CHRM4: variants seen among roughly 807,000 people sequenced by gnomAD.
CHRM4 encodes cholinergic receptor muscarinic 4, also known as muscarinic acetylcholine receptor M4.
In CHRM4, 5 loss-of-function variants were observed where a neutral mutation model predicts 26.3. That is an observed-to-expected ratio of 0.19 (90% CI 0.10 to 0.40). CHRM4 has a LOEUF of 0.40. CHRM4 is among the 10% of genes least tolerant of loss of function. The pLI, the probability that CHRM4 is intolerant of heterozygous loss-of-function variation, is 1.00. For synonymous variants in CHRM4, 290 were observed against 285.3 expected (o/e 1.02, Z -0.16); for missense variants, 402 against 664.5 (o/e 0.60, Z 4.34).
rs751170879 is a variant in CHRM4 at position 46,386,567 on chromosome 11, CA to C, written c.-11del. The C allele has an allele frequency of 3.1e-6, 5 of 1,606,090 alleles. No individual in the cohort carries two copies. In the Admixed American group the frequency reaches 8.3e-5, roughly 27 times the overall value. Reference sequence around the variant, plus strand: ...GTGTGAAGTTGGCCATGTTGGTTGCCAGGGGTGGGTAGGCCGTGTCTGGGGA... The same window carrying C: ...GTGTGAAGTTGGCCATGTTGGTTGCCGGGGTGGGTAGGCCGTGTCTGGGGA... On this transcript the variant is annotated 5_prime_UTR_variant, in exon 2 of 2. Coordinates refer to ENST00000682254, the MANE Select transcript of CHRM4 (RefSeq NM_000741.5). This position sits in a 1 kb window ranked among gnomAD's most constrained non-coding sequence, Gnocchi z 5.8.
chr11:46,386,121 G>T lies in CHRM4; in HGVS notation c.437C>A (p.Thr146Asn). ...KPLTYPARRT[T>N]KMAGLMIAAA... ...AGCAATCATGAGGCCTGCCATCTTG[G>T]TGGTGCGCCGGGCAGGGTAGGTGAG... The change falls in exon 2 of 2, where the codon ACC (threonine) becomes AAC (asparagine). Residue 146 changes from threonine (T) to asparagine (N), a missense_variant. Physicochemically the swap from Thr to Asn is moderately conservative, Grantham distance 65. Around this residue, in one of 5 missense-constraint regions of CHRM4, gnomAD observed 48 missense variants for 129.1 expected, o/e 0.37. Coordinates refer to ENST00000682254, the MANE Select transcript of CHRM4 (RefSeq NM_000741.5). The surrounding 1 kb of genome is among the most constrained non-coding windows in gnomAD (Gnocchi z 5.8). 6.2e-7 allele frequency: 1 copy of T among 1,613,554 alleles called. No homozygotes were observed. The highest frequency in any genetic ancestry group is 1.7e-5 in the Admixed American group (1 of 59,978).
rs550703455 is a variant in CHRM4 at position 46,384,332 on chromosome 11, G to GC, written c.*785dup. The stretch of plus-strand genomic sequence containing the variant: ...CCAGGGGGTGAGAGGTTTGAAGAGG[G>GC]CAGATGGGAATGCCATCCACCACAG... On this transcript the variant is annotated 3_prime_UTR_variant, in exon 2 of 2. Coordinates refer to ENST00000682254, the MANE Select transcript of CHRM4 (RefSeq NM_000741.5). Among the ~76,000 whole-genome samples the GC allele has an allele frequency of 9.4e-4, 143 of 152,342 alleles. No individual in the cohort carries two copies. Among genetic ancestry groups the GC allele is most frequent in the Admixed American group, 2.3e-3 (35 of 15,306 alleles).
In CHRM4 at chr11:46,386,742, A is replaced by C; in HGVS notation, c.-29-156T>G. The C allele has an allele frequency of 1.4e-6, 1 of 715,890 alleles. No individual in the cohort carries two copies. The highest frequency in any genetic ancestry group is 2.3e-6 in the Non-Finnish European group (1 of 440,920). The allele number at this position is 715,890 out of a possible 1,614,324, so 44.3% of individuals were successfully genotyped here. On this transcript the variant is annotated intron_variant, in intron 1 of 1. Coordinates refer to ENST00000682254, the MANE Select transcript of CHRM4 (RefSeq NM_000741.5). This position sits in a 1 kb window ranked among gnomAD's most constrained non-coding sequence, Gnocchi z 5.8. ...TCCCGCATTTGCCCATTCATTCAAC[A>C]TTAATTGAGCACCTACTATGTGGCA...
rs1490979809 is a variant in CHRM4, at chr11:46,384,553, G to A, written c.*565C>T. Among the ~76,000 whole-genome samples the A allele has an allele frequency of 2.0e-5, 3 of 152,224 alleles. No individual in the cohort carries two copies. ...CAAGGGCAGTGCTGCTGGGGCGGGG[G>A]GGACCTGGCCTCCATCATACCCACC... On this transcript the variant is annotated 3_prime_UTR_variant, in exon 2 of 2. Transcript: ENST00000682254.
rs1391733753 is a variant in CHRM4, at chr11:46,384,929, G to A, written c.*189C>T. 1.9e-6 allele frequency: 1 copy of A among 521,802 alleles called. No homozygotes were observed. Among genetic ancestry groups the A allele is most frequent in the East Asian group, 1.5e-4 (1 of 6,756 alleles). The allele number at this position is 521,802 out of a possible 1,614,324, so 32.3% of individuals were successfully genotyped here. ...GGCAGCCCCAGTTCAGACACTCCCT[G>A]GGGTGAGCCTCCTCAGCCTGAGCAG... is the stretch of plus-strand genomic sequence containing the variant. On this transcript the variant is annotated 3_prime_UTR_variant, in exon 2 of 2. Transcript: ENST00000682254.
In CHRM4 at chr11:46,385,856, C is replaced by T. The variant is rs762222466; in HGVS notation, c.702G>A (p.Pro234=). The part of the protein sequence containing the change: ...SRVHKHRPEG[P]KEKKAKTLAF... Reference sequence around the variant, plus strand: ...CCAGCGTCTTGGCTTTCTTCTCCTTCGGGCCCTCGGGCCGGTGCTTGTGGA... The same window carrying T: ...CCAGCGTCTTGGCTTTCTTCTCCTTTGGGCCCTCGGGCCGGTGCTTGTGGA... Residue 234 remains proline, a synonymous_variant, in exon 2 of 2, where the codon CCG becomes CCA. Transcript: ENST00000682254. This position sits in a 1 kb window ranked among gnomAD's most constrained non-coding sequence, Gnocchi z 6.3. 13 of 1,605,908 alleles carry T rather than the reference C, an allele frequency of 8.1e-6. No individual in the cohort carries two copies. The highest frequency in any genetic ancestry group is 5.1e-5 in the Admixed American group (3 of 58,660).
At chr11:46,390,795 T>C (rs1945384095) in intron 1 of CHRM4, among the ~76,000 whole-genome samples, 1 of 152,226 alleles carries the variant, frequency 6.6e-6, no homozygotes, top group Non-Finnish European at 1.5e-5. Context: ...GTTTCCCGAG[T>C]CCTCGACACC....
chr11:46,390,683 C>A (rs557946030), intron 1 of CHRM4, among the ~76,000 whole-genome samples: 21 of 152,390 alleles, frequency 1.4e-4, no homozygotes, highest in African/African-American at 4.6e-4. Context: ...GAGGCTCCTC[C>A]ATGTCTCCGC....
In CHRM4 at chr11:46,385,766, C is replaced by T; in HGVS notation, c.792G>A (p.Arg264=). 2 of 1,597,378 alleles carry T rather than the reference C, an allele frequency of 1.3e-6. No individual in the cohort carries two copies. The highest frequency in any genetic ancestry group is 1.7e-6 in the Non-Finnish European group (2 of 1,171,318). Residue 264 remains arginine (R), a synonymous_variant, in exon 2 of 2, where the codon CGG becomes CGA. Transcript: ENST00000682254. This position sits in a 1 kb window ranked among gnomAD's most constrained non-coding sequence, Gnocchi z 6.3. ...CCAGCTTGCCATTGCGCAGCTCCTC[C>T]CGGGCGGCCTCCCCGGGCGGGGGCT... ...VKKPPPGEAA[R]EELRNGKLEE...
rs1426860013 is a variant in CHRM4 at position 46,391,645 on chromosome 11, C to T, written c.-144G>A. On this transcript the variant is annotated 5_prime_UTR_variant, in exon 1 of 2. Coordinates refer to ENST00000682254, the MANE Select transcript of CHRM4 (RefSeq NM_000741.5). The surrounding 1 kb of genome is among the most constrained non-coding windows in gnomAD (Gnocchi z 6.3). ...CGCCGCCTCTGCCCAGCTCCCCTCG[C>T]GCCAGACAGACGGCGGGACGGACGC... 6.6e-6 allele frequency among the ~76,000 whole-genome samples: 1 copy of T among 150,596 alleles called. No individual in the cohort carries two copies. Among genetic ancestry groups the T allele is most frequent in the Non-Finnish European group, 1.5e-5 (1 of 67,500 alleles).
In CHRM4 at chr11:46,390,691, C is replaced by T. The variant is rs577776162; in HGVS notation, c.-30+840G>A. Among the ~76,000 whole-genome samples, 9 of 152,392 alleles carry T rather than the reference C, an allele frequency of 5.9e-5. No homozygotes were observed. The East Asian group carries it at 1.5e-3, about 26-fold the overall frequency. On this transcript the variant is annotated intron_variant, in intron 1 of 1. Coordinates refer to ENST00000682254, the MANE Select transcript of CHRM4 (RefSeq NM_000741.5). ...CCATCTGGAGGCTCCTCCATGTCTC[C>T]GCCGTGGTCGAAGGAGCCCTGGCTC...
chr11:46,386,493 G>A lies in CHRM4; in HGVS notation c.65C>T (p.Ser22Leu). 2.5e-6 allele frequency: 4 copies of A among 1,613,678 alleles called. No homozygotes were observed. Among genetic ancestry groups the A allele is most frequent in the Non-Finnish European group, 3.4e-6 (4 of 1,179,892 alleles). The change falls in exon 2 of 2, where the codon TCA becomes TTA. Residue 22 changes from serine to leucine, a missense_variant. Coordinates refer to ENST00000682254, the MANE Select transcript of CHRM4 (RefSeq NM_000741.5). This position sits in a 1 kb window ranked among gnomAD's most constrained non-coding sequence, Gnocchi z 5.8. Reference sequence around the variant, plus strand: ...CACCGTCTCATAGCGATTGTGGGATGATGACGTGACCAGGCGCACGGACTG... The same window carrying A: ...CACCGTCTCATAGCGATTGTGGGATAATGACGTGACCAGGCGCACGGACTG... Reference protein sequence around the residue: ...GNQSVRLVTSSSHNRYETVEM... With the variant: ...GNQSVRLVTSLSHNRYETVEM...
intron 1 of CHRM4, among the ~76,000 whole-genome samples, chr11:46,387,998 C>T (rs1945358652): frequency 6.6e-6 from 1 of 152,226 alleles, no homozygotes; most frequent in South Asian, 2.1e-4. Context: ...CAGGCCCTTC[C>T]CTGAGCCTGC....
At chr11:46,389,100 C>T (rs1945369596) in intron 1 of CHRM4, among the ~76,000 whole-genome samples, 2 of 152,144 alleles carry the variant, frequency 1.3e-5, no homozygotes, top group Non-Finnish European at 2.9e-5. Flanking sequence ...TTAGGAAGTA[C>T]GGGTGGGGGC....
rs1945332151 is a variant in CHRM4, at chr11:46,385,743, A to T, written c.815T>A (p.Leu272Gln). ...CAGCGCTGGCGGGGGGGCCTCCTCC[A>T]GCTTGCCATTGCGCAGCTCCTCCCG... Reference protein sequence around the residue: ...AAREELRNGKLEEAPPPALPP... With the variant: ...AAREELRNGKQEEAPPPALPP... The change falls in exon 2 of 2, where the codon CTG becomes CAG. Residue 272 changes from leucine to glutamine, a missense_variant. This residue lies in a region of CHRM4 where 205 missense variants were observed against 244.0 expected (regional missense o/e 0.84). Coordinates refer to ENST00000682254, the MANE Select transcript of CHRM4 (RefSeq NM_000741.5). The surrounding 1 kb of genome is among the most constrained non-coding windows in gnomAD (Gnocchi z 6.3). The T allele has an allele frequency of 1.3e-6, 2 of 1,590,574 alleles. No homozygotes were observed. Among genetic ancestry groups the T allele is most frequent in the African/African-American group, 2.7e-5 (2 of 74,092 alleles).
Position 46,385,330 on chromosome 11 carries a change from T to A in CHRM4, c.1228A>T (p.Ile410Phe). 6.2e-7 allele frequency: 1 copy of A among 1,613,330 alleles called. No individual in the cohort carries two copies. Among genetic ancestry groups the A allele is most frequent in the Non-Finnish European group, 8.5e-7 (1 of 1,179,388 alleles). ...ACGTTGTAGGGCGTCCAGGTGAGGA[T>A]GAAGGCTAGCAGAATGGCAAAGATC... ...RTIFAILLAF[I>F]LTWTPYNVMV... is the part of the protein sequence containing the mutation. Residue 410 changes from isoleucine to phenylalanine, a missense_variant, in exon 2 of 2, where the codon ATC becomes TTC. This residue lies in a region of CHRM4 where 55 missense variants were observed against 126.4 expected (regional missense o/e 0.44). Coordinates refer to ENST00000682254, the MANE Select transcript of CHRM4 (RefSeq NM_000741.5). The surrounding 1 kb of genome is among the most constrained non-coding windows in gnomAD (Gnocchi z 6.3).
At chr11:46,388,739 AC>A (rs1338537191) in intron 1 of CHRM4, among the ~76,000 whole-genome samples, 1 of 152,168 alleles carries the variant, frequency 6.6e-6, no homozygotes, top group Non-Finnish European at 1.5e-5. Flanking sequence ...CCCCTCCAGC[AC>A]CAGGAGGCTG....
At chr11:46,390,105 C>T (rs897821493) in intron 1 of CHRM4, among the ~76,000 whole-genome samples, 4 of 152,124 alleles carry the variant, frequency 2.6e-5, no homozygotes, top group Non-Finnish European at 5.9e-5. Flanking sequence ...TGACCGGTCA[C>T]ATTCCAAACG....
rs1945389400 is a variant in CHRM4 at position 46,391,294 on chromosome 11, C to G, written c.-30+237G>C. ...AGCCGCCAGTGGGAGGGCTGGAGTA[C>G]AGGGTCCCACCCCCGACGGCTGCCC... On this transcript the variant is annotated intron_variant, in intron 1 of 1. Coordinates refer to ENST00000682254, the MANE Select transcript of CHRM4 (RefSeq NM_000741.5). The surrounding 1 kb of genome is among the most constrained non-coding windows in gnomAD (Gnocchi z 6.3). Among the ~76,000 whole-genome samples the G allele has an allele frequency of 6.6e-6, 1 of 152,046 alleles. No individual in the cohort carries two copies. Among genetic ancestry groups the G allele is most frequent in the African/African-American group, 2.4e-5 (1 of 41,400 alleles).
Sources: allele counts gnomAD v4.1 joint callset (sites outside exome capture counted in the v4.1 genomes callset), GRCh38; gene constraint gnomAD v4.1.1; regional missense constraint gnomAD v4.1.1; non-coding constraint Gnocchi (gnomAD v3.1); transcripts MANE v1.5; gene names NCBI Gene and HGNC (gene_info 2026-07-23, HGNC 2026-07-21).